SLC27A5: variants seen among roughly 807,000 people sequenced by gnomAD.
The protein encoded by SLC27A5 is long-chain fatty acid transport protein 5.
A neutral mutation model predicts 63.1 loss-of-function variants in SLC27A5; 47 were observed. That is an observed-to-expected ratio of 0.74 (90% CI 0.59 to 0.95). The LOEUF is 0.95. Among genes scored for constraint, SLC27A5 ranks in the 40% least tolerant of loss-of-function variants. The pLI, the probability that SLC27A5 is intolerant of heterozygous loss-of-function variation, is 0.00. For missense variants in SLC27A5, 940 were observed against 921.0 expected, an observed-to-expected ratio of 1.02 and a Z score of -0.27; for synonymous variants, 391 against 403.8, an observed-to-expected ratio of 0.97 and a Z score of 0.38.
chr19:58,506,295 G>A (rs2053346385), intron 3 of SLC27A5, among the ~76,000 whole-genome samples: 1 of 152,114 alleles, frequency 6.6e-6, no homozygotes, highest in Non-Finnish European at 1.5e-5. Flanking sequence ...AGCACTTTGG[G>A]AGGCCGAGGT....
In SLC27A5 at chr19:58,500,499, C is replaced by T. The variant is rs1278664304; in HGVS notation, c.1377+13G>A. 3.7e-6 allele frequency: 6 copies of T among 1,613,842 alleles called. No homozygotes were observed. In the Admixed American group the frequency reaches 5.0e-5, roughly 13 times the overall value. ...CCTCAGGGCAGCTGCACACCAGGTA[C>T]CCGCACACTCACTCGGAGGAGGCAG... On this transcript the variant is annotated intron_variant, in intron 5 of 9. Coordinates refer to ENST00000263093, the MANE Select transcript of SLC27A5 (RefSeq NM_012254.3).
intron 3 of SLC27A5, among the ~76,000 whole-genome samples, chr19:58,505,537 C>T (rs2053335080): frequency 6.6e-6 from 1 of 151,048 alleles, no homozygotes; most frequent in Non-Finnish European, 1.5e-5. Context: ...ACAGCCTAAA[C>T]TTTTCATAAT....
At chr19:58,509,050 C>T (rs1051635694) in intron 3 of SLC27A5, 1 of 151,206 alleles carries the variant, frequency 6.6e-6, no homozygotes, top group African/African-American at 2.4e-5. Context: ...GCACTCCAGC[C>T]TGGGCGACAG....
intron 2 of SLC27A5, 145 bp downstream of exon 2, chr19:58,510,576 A>T: frequency 1.3e-6 from 1 of 779,750 alleles, no homozygotes; most frequent in Admixed American, 3.2e-5. Context: ...TCTGCCTCGA[A>T]AAAAAAAACA....
chr19:58,503,017 T>C (rs146568881), intron 3 of SLC27A5, among the ~76,000 whole-genome samples: 5 of 151,944 alleles, frequency 3.3e-5, no homozygotes, highest in African/African-American at 1.2e-4. Context: ...CCATCCTGGC[T>C]AACACGGTGA....
At chr19:58,502,935 GGA>G (rs1491266101) in intron 3 of SLC27A5, among the ~76,000 whole-genome samples, 151 of 151,858 alleles carry the variant, frequency 9.9e-4, no homozygotes, top group Admixed American at 3.0e-3. Context: ...GGCTGGGTGA[GGA>G]TCGTCACGCC....
rs750262987 is a variant in SLC27A5, at chr19:58,498,609, T to C, written c.1979A>G (p.Asp660Gly). Reference sequence around the variant, plus strand: ...CCGGTTGTCCAGTACAAACAGAGGGTCAACCACGATCCCCACATTGAAGCC... The same window carrying C: ...CCGGTTGTCCAGTACAAACAGAGGGCCAACCACGATCCCCACATTGAAGCC... ...REGFNVGIVV[D>G]PLFVLDNRAQ... The change falls in exon 10 of 10, where the codon GAC becomes GGC. Residue 660 changes from aspartate (D) to glycine (G), a missense_variant. By Grantham distance (94) the Asp-to-Gly change is moderately conservative. Transcript: ENST00000263093. 1 of 1,613,714 alleles carries C rather than the reference T, an allele frequency of 6.2e-7. No individual in the cohort carries two copies. Among genetic ancestry groups the C allele is most frequent in the Non-Finnish European group, 8.5e-7 (1 of 1,179,964 alleles).
chr19:58,503,384 G>C (rs1020800745), intron 3 of SLC27A5, among the ~76,000 whole-genome samples: 1 of 152,116 alleles, frequency 6.6e-6, no homozygotes, highest in Non-Finnish European at 1.5e-5. Flanking sequence ...AGGGGGCTGG[G>C]CGTGGTGGCT....
chr19:58,503,002 C>G lies in SLC27A5; in HGVS notation c.1058-1592G>C, dbSNP rs577590440. Among the ~76,000 whole-genome samples the G allele has an allele frequency of 1.4e-3, 205 of 151,794 alleles. 1 individual carries two copies. The highest frequency in any genetic ancestry group is 4.7e-3 in the African/African-American group (195 of 41,416). ...TGGGCGGATCACGAGGTCAGGAGAT[C>G]AAGACCATCCTGGCTAACACGGTGA... On this transcript the variant is annotated intron_variant, in intron 3 of 9. Transcript: ENST00000263093.
chr19:58,510,001 G>T lies in SLC27A5; in HGVS notation c.903C>A (p.Leu301=). Residue 301 remains leucine, a synonymous_variant, in exon 3 of 10, where the codon CTC becomes CTA. Transcript: ENST00000263093. ...CATGCGTGAGGATGGCTGGCTTCGG[G>T]AGGCCTTGGGATGAAGGCATGGCAA... is the stretch of plus-strand genomic sequence containing the variant. The part of the protein sequence containing the change: ...LFIYTSGTTG[L]PKPAILTHER... 6.2e-7 allele frequency: 1 copy of T among 1,613,104 alleles called. No individual in the cohort carries two copies. The highest frequency in any genetic ancestry group is 1.3e-5 in the African/African-American group (1 of 75,050).
chr19:58,511,122 T>C (rs2053405664), intron 1 of SLC27A5, 146 bp downstream of exon 1: 5 of 987,642 alleles, frequency 5.1e-6, no homozygotes, highest in Non-Finnish European at 7.2e-6. Flanking sequence ...ACCTGAGAAC[T>C]ACTTTCTGCT....
In SLC27A5 at chr19:58,498,867, TGGCCGG is replaced by T; in HGVS notation, c.1808_1813del (p.Pro603_Gly604del). 1.2e-6 allele frequency: 2 copies of T among 1,613,846 alleles called. No homozygotes were observed. On this transcript the variant is annotated inframe_deletion, in exon 9 of 10. Coordinates refer to ENST00000263093, the MANE Select transcript of SLC27A5 (RefSeq NM_012254.3). ...GTACAACTTCTCCCCGTCGAAAGTC[TGGCCGG>T]GGGCTAGCTGCACAGCAGCCATGCC...
rs754684618 is a variant in SLC27A5, at chr19:58,511,379, C to T, written c.577G>A (p.Gly193Arg). 3 of 1,608,670 alleles carry T rather than the reference C, an allele frequency of 1.9e-6. No homozygotes were observed. In the East Asian group the frequency reaches 6.7e-5, roughly 36 times the overall value. The part of the protein sequence containing the change: ...QAVPALCMWL[G>R]LAKLGCPTAW... ...GTTGGGCAGCCCAGCTTGGCCAGCC[C>T]CAGCCACATACACAGGGCTGGAACG... is the stretch of plus-strand genomic sequence containing the variant. Residue 193 changes from glycine to arginine, a missense_variant, in exon 1 of 10, where the codon GGG becomes AGG. By Grantham distance (125) the Gly-to-Arg change is moderately radical. Coordinates refer to ENST00000263093, the MANE Select transcript of SLC27A5 (RefSeq NM_012254.3).
chr19:58,504,669 A>AAAAC (rs1036299467), intron 3 of SLC27A5, among the ~76,000 whole-genome samples: 3 of 150,594 alleles, frequency 2.0e-5, no homozygotes, highest in South Asian at 2.1e-4. Context: ...CTCTGTCTCA[A>AAAAC]AAACAAACAA....
At chr19:58,500,780 G>T in intron 4 of SLC27A5, 74 bp from the exon 5 acceptor site, 1 of 1,566,090 alleles carries the variant, frequency 6.4e-7, no homozygotes, top group Non-Finnish European at 8.7e-7. Context: ...CCTAGAGGGG[G>T]TGTTATCCTG....
chr19:58,503,075 G>A (rs762999508), intron 3 of SLC27A5, among the ~76,000 whole-genome samples: 1 of 151,916 alleles, frequency 6.6e-6, no homozygotes, highest in Non-Finnish European at 1.5e-5. Context: ...CGTGGTAGCG[G>A]GCGCCTGTAG....
intron 3 of SLC27A5, among the ~76,000 whole-genome samples, chr19:58,503,168 G>A (rs1156950524): frequency 1.3e-5 from 2 of 150,618 alleles, no homozygotes; most frequent in Non-Finnish European, 3.0e-5. Context: ...TAGCGCCACT[G>A]CACTCCAGCC....
intron 2 of SLC27A5, chr19:58,510,332 G>A (rs1187200371): frequency 2.8e-6 from 1 of 351,514 alleles, no homozygotes; most frequent in Non-Finnish European, 5.2e-6. Context: ...CCAGCATTTT[G>A]AGAGGCTGAG....
chr19:58,505,193 G>A (rs1003231776), intron 3 of SLC27A5, among the ~76,000 whole-genome samples: 3 of 149,360 alleles, frequency 2.0e-5, no homozygotes, highest in East Asian at 2.1e-4. Context: ...CCTGCGCCCC[G>A]GGTTCAAGCG....
Sources: allele counts gnomAD v4.1 joint callset (sites outside exome capture counted in the v4.1 genomes callset), GRCh38; gene constraint gnomAD v4.1.1; transcripts MANE v1.5; gene names NCBI Gene and HGNC (gene_info 2026-07-23, HGNC 2026-07-21).